The following COL7A1 variants were observed in gnomAD, a reference collection of about 807,000 sequenced individuals.
COL7A1 encodes the protein collagen type VII alpha 1 chain, also known as collagen alpha-1(VII) chain.
COL7A1 carries 296 observed loss-of-function variants against 456.2 expected under a neutral mutation model. The observed-to-expected ratio is 0.65, with a 90% CI of 0.59 to 0.71. The LOEUF (loss-of-function observed/expected upper bound fraction) is 0.71, where lower values mean the gene tolerates loss of function less well. Ranked by LOEUF, COL7A1 falls within the 30% of genes least tolerant of loss-of-function variation. The pLI, the probability that COL7A1 is intolerant of heterozygous loss-of-function variation, is 0.00. For missense variants in COL7A1, 3,441 were observed against 4,017.2 expected, an observed-to-expected ratio of 0.86 and a Z score of 3.88; for synonymous variants, 1,464 against 1,525.9, an observed-to-expected ratio of 0.96 and a Z score of 0.95.
chr3:48,585,025 G>A lies in COL7A1; in HGVS notation c.3975+11C>T, dbSNP rs7637885. 3.1e-3 allele frequency: 4,935 copies of A among 1,613,488 alleles called. 120 individuals carry two copies. The African/African-American group carries it at 0.056, about 18-fold the overall frequency. ...GCGCCCACCCTGACCTGCAGGACAA[G>A]GCTTGCTCACCTTTAGGCCAGGGGC... On this transcript the variant is annotated intron_variant, in intron 33 of 118. Transcript: ENST00000681320. This position sits in a 1 kb window ranked among gnomAD's most constrained non-coding sequence, Gnocchi z 4.5.
chr3:48,578,619 AC>A lies in COL7A1; in HGVS notation c.5425-105del. On this transcript the variant is annotated intron_variant, in intron 63 of 118. Coordinates refer to ENST00000681320, the MANE Select transcript of COL7A1 (RefSeq NM_000094.4). The surrounding 1 kb of genome is among the most constrained non-coding windows in gnomAD (Gnocchi z 4.7). ...AAAAAGATCTCCCTCCAGGGTAGAG[AC>A]CCCCAGGACTGAGAGGTCCCATTGA... is the stretch of plus-strand genomic sequence containing the variant. The A allele has an allele frequency of 1.5e-6, 2 of 1,320,160 alleles. No homozygotes were observed. Among genetic ancestry groups the A allele is most frequent in the Non-Finnish European group, 2.1e-6 (2 of 932,456 alleles). The allele number at this position is 1,320,160 out of a possible 1,614,324, so 81.8% of individuals were successfully genotyped here.
chr3:48,581,477 T>C lies in COL7A1; in HGVS notation c.4789A>G (p.Ile1597Val). The C allele has an allele frequency of 6.2e-7, 1 of 1,614,044 alleles. No homozygotes were observed. The highest frequency in any genetic ancestry group is 1.6e-4 in the Middle Eastern group (1 of 6,062). ...PKGDPGDRGP[I>V]GLTGRAGPPG... ...GGTCCTGCTCTGCCAGTAAGGCCAA[T>C]GGGACCCTGAAGGGGACAGAAGGGG... Residue 1597 changes from isoleucine to valine, a missense_variant, in exon 51 of 119, where the codon ATT (isoleucine) becomes GTT (valine). Coordinates refer to ENST00000681320, the MANE Select transcript of COL7A1 (RefSeq NM_000094.4). This position sits in a 1 kb window ranked among gnomAD's most constrained non-coding sequence, Gnocchi z 5.8.
rs2045312992 is a variant in COL7A1 at position 48,586,984 on chromosome 3, TGGCCCAAGA to T, written c.3255_3263del (p.Leu1086_Pro1088del). 6.3e-7 allele frequency: 1 copy of T among 1,595,940 alleles called. No individual in the cohort carries two copies. ...CCCAGGGCCAAACCTGAACTGCCTGTGGCCCAAGAGGCCCAAGTGCCAACACCAGACGCT... is the reference window on the plus strand; with the variant it reads ...CCCAGGGCCAAACCTGAACTGCCTGTGGCCCAAGTGCCAACACCAGACGCT... On this transcript the variant is annotated inframe_deletion, in exon 25 of 119. Transcript: ENST00000681320. This position sits in a 1 kb window ranked among gnomAD's most constrained non-coding sequence, Gnocchi z 5.1.
Position 48,578,764 on chromosome 3 carries a change from TTC to T in COL7A1, c.5424+153_5424+154del, listed in dbSNP as rs1187485461. On this transcript the variant is annotated intron_variant, in intron 63 of 118. Transcript: ENST00000681320. The surrounding 1 kb of genome is among the most constrained non-coding windows in gnomAD (Gnocchi z 4.7). ...AGGCAAAGAAGGTCAGAAAGGGGGA[TTC>T]TACTAAAACCTGTGTGCCAGGGACT... 4 of 818,290 alleles carry T rather than the reference TTC, an allele frequency of 4.9e-6. No individual in the cohort carries two copies. The East Asian group carries it at 1.1e-4, about 22-fold the overall frequency. 50.7% of individuals were successfully genotyped at this position (818,290 alleles called of 1,614,324 possible). A position where few individuals can be genotyped will look rare whatever the true frequency, so the allele number is the denominator to read the frequency against.
chr3:48,595,239 C>A, intron 1 of COL7A1, 29 bp downstream of exon 1: 1 of 1,218,292 alleles, frequency 8.2e-7, no homozygotes, highest in Non-Finnish European at 1.2e-6. Flanking sequence ...CCGAGCCCAG[C>A]GCCCCTCCAG....
Position 48,578,825 on chromosome 3 carries a change from C to T in COL7A1, c.5424+94G>A. The T allele has an allele frequency of 7.4e-7, 1 of 1,358,750 alleles. No homozygotes were observed. Among genetic ancestry groups the T allele is most frequent in the Non-Finnish European group, 1.0e-6 (1 of 998,464 alleles). 84.2% of individuals were successfully genotyped at this position (1,358,750 alleles called of 1,614,324 possible). ...CCCAAAGGCAAGGCTGAACCGACCC[C>T]CCACCAACTCTCTCGGATGCTGTGA... On this transcript the variant is annotated intron_variant, in intron 63 of 118. Coordinates refer to ENST00000681320, the MANE Select transcript of COL7A1 (RefSeq NM_000094.4). This position sits in a 1 kb window ranked among gnomAD's most constrained non-coding sequence, Gnocchi z 4.7.
chr3:48,582,352 G>A lies in COL7A1; in HGVS notation c.4606C>T (p.Pro1536Ser), dbSNP rs765243601. The change falls in exon 47 of 119, where the codon CCT becomes TCT. Residue 1536 changes from proline (P) to serine (S), a missense_variant. By Grantham distance (74) the Pro-to-Ser change is moderately conservative (BLOSUM62 -1). Around this residue, in one of 3 missense-constraint regions of COL7A1, gnomAD observed 2,084 missense variants for 2,501.3 expected, o/e 0.83. Coordinates refer to ENST00000681320, the MANE Select transcript of COL7A1 (RefSeq NM_000094.4). ...ACTGCAGGGTCCCCAGGGCGACCAG[G>A]CTCCCCCTGTGGAGAGAGGATAGGA... Reference protein sequence around the residue: ...PTGRQGEKGEPGRPGDPAVVG... With the variant: ...PTGRQGEKGESGRPGDPAVVG... The A allele has an allele frequency of 1.9e-6, 3 of 1,614,042 alleles. No individual in the cohort carries two copies. In the East Asian group the frequency reaches 6.7e-5, roughly 36 times the overall value.
rs2044332705 is a variant in COL7A1 at position 48,576,756 on chromosome 3, T to C, written c.5620A>G (p.Lys1874Glu). 6.2e-7 allele frequency: 1 copy of C among 1,613,134 alleles called. No individual in the cohort carries two copies. The highest frequency in any genetic ancestry group is 1.3e-5 in the African/African-American group (1 of 74,880). The change falls in exon 68 of 119, where the codon AAG (lysine) becomes GAG (glutamate). Residue 1874 changes from lysine to glutamate, a missense_variant. By Grantham distance (56) the Lys-to-Glu change is moderately conservative. This residue lies in a region of COL7A1 where 2,084 missense variants were observed against 2,501.3 expected (regional missense o/e 0.83). Coordinates refer to ENST00000681320, the MANE Select transcript of COL7A1 (RefSeq NM_000094.4). Reference sequence around the variant, plus strand: ...ATACCAGGAGCTCCACGCTCACCCTTGGGGCCATCACGACCCTGTGAAGGA... The same window carrying C: ...ATACCAGGAGCTCCACGCTCACCCTCGGGGCCATCACGACCCTGTGAAGGA... Reference protein sequence around the residue: ...ASGREGRDGPKGERGAPGILG... With the variant: ...ASGREGRDGPEGERGAPGILG...
At position 48,591,382 on chromosome 3, in the gene COL7A1, G is replaced by C; in HGVS notation, c.1636+82C>G. On this transcript the variant is annotated intron_variant, in intron 13 of 118. Coordinates refer to ENST00000681320, the MANE Select transcript of COL7A1 (RefSeq NM_000094.4). The surrounding 1 kb of genome is among the most constrained non-coding windows in gnomAD (Gnocchi z 7.0). The stretch of plus-strand genomic sequence containing the variant: ...AGACTATAGGGACCCAGGTGTGGAA[G>C]GAGAGGGCTGGAGGTACACTCAGAC... 6.4e-7 allele frequency: 1 copy of C among 1,565,214 alleles called. No homozygotes were observed. The highest frequency in any genetic ancestry group is 8.7e-7 in the Non-Finnish European group (1 of 1,145,690).
In COL7A1 at chr3:48,575,920, G is replaced by A; in HGVS notation, c.5821-18C>T. 1 of 1,614,144 alleles carries A rather than the reference G, an allele frequency of 6.2e-7. No individual in the cohort carries two copies. Among genetic ancestry groups the A allele is most frequent in the Non-Finnish European group, 8.5e-7 (1 of 1,180,032 alleles). On this transcript the variant is annotated intron_variant, in intron 71 of 118. Coordinates refer to ENST00000681320, the MANE Select transcript of COL7A1 (RefSeq NM_000094.4). This position sits in a 1 kb window ranked among gnomAD's most constrained non-coding sequence, Gnocchi z 6.3. The stretch of plus-strand genomic sequence containing the variant: ...TCCACATTCTGGGGACAAAGTCTGG[G>A]TGAAGGGCTGCCCATGACAGAGAAG...
intron 2 of COL7A1, 25 bp downstream of exon 2, chr3:48,595,050 C>T: frequency 6.5e-7 from 1 of 1,536,372 alleles, no homozygotes; most frequent in Non-Finnish European, 8.8e-7. Flanking sequence ...GTGCCCCGGG[C>T]CGGGTCCTCC....
Position 48,584,736 on chromosome 3 carries a change from G to A in COL7A1, c.4045C>T (p.Pro1349Ser). Residue 1349 changes from proline to serine, a missense_variant and splice_region_variant, in exon 35 of 119, where the codon CCG (proline) becomes TCG (serine). Physicochemically the swap from Pro to Ser is moderately conservative, Grantham distance 74 (BLOSUM62 -1). Transcript: ENST00000681320. ...GCCTCCCTTCCCCCTTCACCTACCG[G>A]CTCCCCCTTTGGGCCTCGAGGTCCT... ...ERGPRGPKGE[P>S]GAPGQVIGGE... The A allele has an allele frequency of 1.2e-6, 2 of 1,613,916 alleles. No individual in the cohort carries two copies. Among genetic ancestry groups the A allele is most frequent in the Non-Finnish European group, 8.5e-7 (1 of 1,180,016 alleles).
chr3:48,566,764 A>C lies in COL7A1; in HGVS notation c.8227-27T>G. ...TGTCAGACACAGGGACCAAGTGAGC[A>C]GGGTCAGAGGCAGTGGGGATCAGAG... On this transcript the variant is annotated intron_variant, in intron 111 of 118. Transcript: ENST00000681320. The surrounding 1 kb of genome is among the most constrained non-coding windows in gnomAD (Gnocchi z 5.9). 1 of 1,612,832 alleles carries C rather than the reference A, an allele frequency of 6.2e-7. No individual in the cohort carries two copies. Among genetic ancestry groups the C allele is most frequent in the South Asian group, 1.1e-5 (1 of 91,058 alleles).
chr3:48,581,283 G>A lies in COL7A1; in HGVS notation c.4876C>T (p.Pro1626Ser), dbSNP rs1358214333. 6.2e-7 allele frequency: 1 copy of A among 1,613,498 alleles called. No individual in the cohort carries two copies. The highest frequency in any genetic ancestry group is 8.5e-7 in the Non-Finnish European group (1 of 1,179,912). Residue 1626 changes from proline to serine, a missense_variant, in exon 52 of 119, where the codon CCT becomes TCT. Transcript: ENST00000681320. The surrounding 1 kb of genome is among the most constrained non-coding windows in gnomAD (Gnocchi z 5.8). Reference sequence around the variant, plus strand: ...ACATCTCGTCCTCGGGGGCCAACAGGTCCTGGGGGGCCAGGCCGCCCAGGG... The same window carrying A: ...ACATCTCGTCCTCGGGGGCCAACAGATCCTGGGGGGCCAGGCCGCCCAGGG... Reference protein sequence around the residue: ...GDPGRPGPPGPVGPRGRDGEV... With the variant: ...GDPGRPGPPGSVGPRGRDGEV...
At position 48,593,745 on chromosome 3, in the gene COL7A1, G is replaced by A. The variant is rs569532593; in HGVS notation, c.267-49C>T. ...CAGGCTAGGACTCAGGATCTCTTCT[G>A]GCCCTGGCCTTGAGGAGGCCTCTAG... On this transcript the variant is annotated intron_variant, in intron 3 of 118. Transcript: ENST00000681320. This position sits in a 1 kb window ranked among gnomAD's most constrained non-coding sequence, Gnocchi z 4.4. 1.2e-6 allele frequency: 2 copies of A among 1,612,646 alleles called. No individual in the cohort carries two copies. Among genetic ancestry groups the A allele is most frequent in the Admixed American group, 1.7e-5 (1 of 60,034 alleles).
rs202076982 is a variant in COL7A1, at chr3:48,575,773, G to A, written c.5857-25C>T. Reference sequence around the variant, plus strand: ...CCTGAGGGACAGCAAGAGGTCAGAGGAGCGGGGTGCGTCGCCGCAGCCCCT... The same window carrying A: ...CCTGAGGGACAGCAAGAGGTCAGAGAAGCGGGGTGCGTCGCCGCAGCCCCT... On this transcript the variant is annotated intron_variant, in intron 72 of 118. Coordinates refer to ENST00000681320, the MANE Select transcript of COL7A1 (RefSeq NM_000094.4). This position sits in a 1 kb window ranked among gnomAD's most constrained non-coding sequence, Gnocchi z 6.3. The A allele has an allele frequency of 3.3e-4, 525 of 1,614,020 alleles. 1 individual carries two copies. The highest frequency in any genetic ancestry group is 2.5e-3 in the South Asian group (232 of 91,084).
In COL7A1 at chr3:48,566,448, T is replaced by C; in HGVS notation, c.8358+62A>G. 1.9e-6 allele frequency: 3 copies of C among 1,607,146 alleles called. No homozygotes were observed. The South Asian group carries it at 3.3e-5, about 18-fold the overall frequency. On this transcript the variant is annotated intron_variant, in intron 113 of 118. Coordinates refer to ENST00000681320, the MANE Select transcript of COL7A1 (RefSeq NM_000094.4). The surrounding 1 kb of genome is among the most constrained non-coding windows in gnomAD (Gnocchi z 5.9). Reference sequence around the variant, plus strand: ...GGGTCAGGGTGCTGGGTGAGGGAGGTAGGGCCCCAGCCCACCCAGGCCCAC... The same window carrying C: ...GGGTCAGGGTGCTGGGTGAGGGAGGCAGGGCCCCAGCCCACCCAGGCCCAC...
At position 48,593,333 on chromosome 3, in the gene COL7A1, T is replaced by A. The variant is rs776346090; in HGVS notation, c.520+23A>T. The A allele has an allele frequency of 6.2e-7, 1 of 1,613,754 alleles. No individual in the cohort carries two copies. The highest frequency in any genetic ancestry group is 8.5e-7 in the Non-Finnish European group (1 of 1,179,850). ...GACTGCCCCCACCCCCCAGCTGACC[T>A]GTCACTCCTGCTCGGTCCTTACCCA... On this transcript the variant is annotated intron_variant, in intron 5 of 118. Transcript: ENST00000681320. This position sits in a 1 kb window ranked among gnomAD's most constrained non-coding sequence, Gnocchi z 4.4.
chr3:48,590,123 C>G lies in COL7A1; in HGVS notation c.2050+90G>C. ...GATTCTGAAGGGGGAGGCAGGAGTTCTGGGGAGAAGCAAGGGTCTGCAAGG... is the reference window on the plus strand; with the variant it reads ...GATTCTGAAGGGGGAGGCAGGAGTTGTGGGGAGAAGCAAGGGTCTGCAAGG... On this transcript the variant is annotated intron_variant, in intron 16 of 118. Coordinates refer to ENST00000681320, the MANE Select transcript of COL7A1 (RefSeq NM_000094.4). This position sits in a 1 kb window ranked among gnomAD's most constrained non-coding sequence, Gnocchi z 4.6. 6.8e-7 allele frequency: 1 copy of G among 1,463,088 alleles called. No individual in the cohort carries two copies. Among genetic ancestry groups the G allele is most frequent in the Non-Finnish European group, 9.3e-7 (1 of 1,070,114 alleles). 90.6% of individuals were successfully genotyped at this position (1,463,088 alleles called of 1,614,324 possible). A position where few individuals can be genotyped will look rare whatever the true frequency, so the allele number is the denominator to read the frequency against.
Sources: gnomAD v4.1 joint callset for allele counts on GRCh38, gnomAD v4.1.1 for gene constraint, gnomAD v4.1.1 regional missense constraint, Gnocchi (gnomAD v3.1) non-coding constraint, MANE v1.5 for transcripts, NCBI Gene and HGNC (gene_info 2026-07-23, HGNC 2026-07-21) for gene names.